Variants in GDF2 observed in about 807,000 individuals in gnomAD.
GDF2 encodes growth/differentiation factor 2.
Under a neutral mutation model 16.9 loss-of-function variants are expected in GDF2, and 17 were observed. The observed-to-expected ratio is 1.00, with a 90% confidence interval of 0.69 to 1.51. The LOEUF (loss-of-function observed/expected upper bound fraction) is 1.51, where lower values mean the gene tolerates loss of function less well. Among genes scored for constraint, GDF2 ranks in the 40% most tolerant of loss-of-function variants. The pLI is 0.00. For missense variants in GDF2, 523 were observed against 556.3 expected, an observed-to-expected ratio of 0.94 and a Z score of 0.60; for synonymous variants, 276 against 237.6, an observed-to-expected ratio of 1.16 and a Z score of -1.49.
At position 47,325,491 on chromosome 10, in the gene GDF2, C is replaced by T. The variant is rs35129734; in HGVS notation, c.997C>T (p.Arg333Trp). The change falls in exon 2 of 2, where the codon CGG becomes TGG. Residue 333 changes from arginine (R) to tryptophan (W), a missense_variant. Coordinates refer to ENST00000581492, the MANE Select transcript of GDF2 (RefSeq NM_016204.4). ...AGSHCQKTSLRVNFEDIGWDS... is the reference protein window; with the variant it reads ...AGSHCQKTSLWVNFEDIGWDS... ...CAGCCACTGTCAAAAGACCTCCCTGCGGGTAAACTTCGAGGACATCGGCTG... is the reference window on the plus strand; with the variant it reads ...CAGCCACTGTCAAAAGACCTCCCTGTGGGTAAACTTCGAGGACATCGGCTG... The T allele has an allele frequency of 2.1e-4, 342 of 1,614,030 alleles. No homozygotes were observed. In the African/African-American group the frequency reaches 3.7e-3, roughly 17 times the overall value.
intron 1 of GDF2, among the ~76,000 whole-genome samples, 176 bp downstream of exon 1, chr10:47,323,190 G>A (rs996788166): frequency 1.3e-5 from 2 of 152,272 alleles, no homozygotes; most frequent in East Asian, 1.9e-4. Context: ...TTTCAAATGC[G>A]TGGCTAATGG....
At position 47,325,253 on chromosome 10, in the gene GDF2, C is replaced by T. The variant is rs548639970; in HGVS notation, c.759C>T (p.Phe253=). The T allele has an allele frequency of 5.0e-6, 8 of 1,614,180 alleles. No individual in the cohort carries two copies. The East Asian group carries it at 8.9e-5, about 18-fold the overall frequency. Residue 253 remains phenylalanine (F), a synonymous_variant, in exon 2 of 2, where the codon TTC becomes TTT. Coordinates refer to ENST00000581492, the MANE Select transcript of GDF2 (RefSeq NM_016204.4). ...CCCCAGGTTCCAGAAACCTGCCCTT[C>T]TTTGTTGTCTTCTCCAATGACCACA... ...SVPPGSRNLP[F]FVVFSNDHSS...
rs782759590 is a variant in GDF2, at chr10:47,325,412, C to T, written c.918C>T (p.Gly306=). The change falls in exon 2 of 2, where the codon GGC becomes GGT. Residue 306 remains glycine (G), a synonymous_variant. Coordinates refer to ENST00000581492, the MANE Select transcript of GDF2 (RefSeq NM_016204.4). Reference sequence around the variant, plus strand: ...GCAGTCACGAGGAGGACACGGATGGCCACGTGGCTGCGGGGTCGACTTTAG... The same window carrying T: ...GCAGTCACGAGGAGGACACGGATGGTCACGTGGCTGCGGGGTCGACTTTAG... ...GESSHEEDTD[G]HVAAGSTLAR... is the part of the protein sequence containing the mutation. The T allele has an allele frequency of 1.2e-6, 2 of 1,613,952 alleles. No homozygotes were observed. The highest frequency in any genetic ancestry group is 1.7e-6 in the Non-Finnish European group (2 of 1,180,036).
chr10:47,323,508 T>A (rs2061092460), intron 1 of GDF2, among the ~76,000 whole-genome samples: 1 of 152,236 alleles, frequency 6.6e-6, no homozygotes, highest in Non-Finnish European at 1.5e-5. Context: ...TCAAAGCACA[T>A]CTATTCCTTT....
At chr10:47,324,802 C>A (rs782342335) in intron 1 of GDF2, 39 bp from the exon 2 acceptor site, 2 of 1,408,428 alleles carry the variant, frequency 1.4e-6, no homozygotes, top group Non-Finnish European at 2.0e-6. Flanking sequence ...TGGAAACAGA[C>A]CCTCCAGCAG....
rs782393389 is a variant in GDF2, at chr10:47,325,721, G to A, written c.1227G>A (p.Met409Ile). ...TCTCCGTCCTCTACAAGGATGACAT[G>A]GGGGTGCCCACCCTCAAGTACCATT... Reference protein sequence around the residue: ...SPISVLYKDDMGVPTLKYHYE... With the variant: ...SPISVLYKDDIGVPTLKYHYE... Residue 409 changes from methionine (M) to isoleucine (I), a missense_variant, in exon 2 of 2, where the codon ATG becomes ATA. By Grantham distance (10) the Met-to-Ile change is conservative (BLOSUM62 1). Coordinates refer to ENST00000581492, the MANE Select transcript of GDF2 (RefSeq NM_016204.4). 8.8e-6 allele frequency: 14 copies of A among 1,583,418 alleles called. No homozygotes were observed. The Middle Eastern group carries it at 6.8e-4, about 77-fold the overall frequency.
intron 1 of GDF2, among the ~76,000 whole-genome samples, chr10:47,323,402 C>T (rs115827563): frequency 1.3e-5 from 2 of 152,196 alleles, no homozygotes; most frequent in Non-Finnish European, 2.9e-5. Flanking sequence ...TGATTCACTT[C>T]TCTTCCTTTC....
chr10:47,323,031 C>A lies in GDF2; in HGVS notation c.346+17C>A. 3.8e-6 allele frequency: 6 copies of A among 1,559,420 alleles called. No individual in the cohort carries two copies. The highest frequency in any genetic ancestry group is 5.3e-6 in the Non-Finnish European group (6 of 1,141,718). On this transcript the variant is annotated intron_variant, in intron 1 of 1. Coordinates refer to ENST00000581492, the MANE Select transcript of GDF2 (RefSeq NM_016204.4). The stretch of plus-strand genomic sequence containing the variant: ...GCATGGAAGGTAGGGTCTCCGCTTG[C>A]ACCATGCGCGCTGGGGTGGGACTCA...
chr10:47,325,439 C>T lies in GDF2; in HGVS notation c.945C>T (p.Ala315=), dbSNP rs781993442. The change falls in exon 2 of 2, where the codon GCC becomes GCT. Residue 315 remains alanine, a synonymous_variant. Transcript: ENST00000581492. ...DGHVAAGSTL[A]RRKRSAGAGS... is the part of the protein sequence containing the mutation. ...ACGTGGCTGCGGGGTCGACTTTAGC[C>T]AGGCGGAAAAGGAGCGCCGGGGCTG... is the stretch of plus-strand genomic sequence containing the variant. 2 of 1,613,874 alleles carry T rather than the reference C, an allele frequency of 1.2e-6. No individual in the cohort carries two copies. The highest frequency in any genetic ancestry group is 1.7e-5 in the Admixed American group (1 of 60,026).
chr10:47,325,354 T>C lies in GDF2; in HGVS notation c.860T>C (p.Leu287Pro). Residue 287 changes from leucine to proline, a missense_variant, in exon 2 of 2, where the codon CTG becomes CCG. Coordinates refer to ENST00000581492, the MANE Select transcript of GDF2 (RefSeq NM_016204.4). ...SHEQESVLKK[L>P]SKDGSTEAGE... ...GAACAAGAGAGCGTGCTCAAGAAGC[T>C]GTCCAAGGACGGCTCCACAGAGGCA... is the stretch of plus-strand genomic sequence containing the variant. 1 of 1,614,132 alleles carries C rather than the reference T, an allele frequency of 6.2e-7. No individual in the cohort carries two copies. Among genetic ancestry groups the C allele is most frequent in the Non-Finnish European group, 8.5e-7 (1 of 1,180,030 alleles).
chr10:47,322,791 G>T lies in GDF2; in HGVS notation c.123G>T (p.Leu41=). ...GSAGGNAHSP[L]GVPGGGLPEH... ...CTGGGGGAAACGCCCACAGCCCACTGGGGGTGCCTGGAGGTGGGCTGCCTG... is the reference window on the plus strand; with the variant it reads ...CTGGGGGAAACGCCCACAGCCCACTTGGGGTGCCTGGAGGTGGGCTGCCTG... Residue 41 remains leucine, a synonymous_variant, in exon 1 of 2, where the codon CTG becomes CTT. Coordinates refer to ENST00000581492, the MANE Select transcript of GDF2 (RefSeq NM_016204.4). 6.2e-7 allele frequency: 1 copy of T among 1,613,664 alleles called. No homozygotes were observed. Among genetic ancestry groups the T allele is most frequent in the Non-Finnish European group, 8.5e-7 (1 of 1,179,804 alleles).
At position 47,325,470 on chromosome 10, in the gene GDF2, C is replaced by T; in HGVS notation, c.976C>T (p.His326Tyr). The change falls in exon 2 of 2, where the codon CAC (histidine) becomes TAC (tyrosine). Residue 326 changes from histidine to tyrosine, a missense_variant. His to Tyr is a moderately conservative substitution (Grantham distance 83, BLOSUM62 2). Transcript: ENST00000581492. ...GAAAAGGAGCGCCGGGGCTGGCAGCCACTGTCAAAAGACCTCCCTGCGGGT... is the reference window on the plus strand; with the variant it reads ...GAAAAGGAGCGCCGGGGCTGGCAGCTACTGTCAAAAGACCTCCCTGCGGGT... ...RRKRSAGAGS[H>Y]CQKTSLRVNF... is the part of the protein sequence containing the mutation. 6.2e-7 allele frequency: 1 copy of T among 1,613,954 alleles called. No individual in the cohort carries two copies. The highest frequency in any genetic ancestry group is 8.5e-7 in the Non-Finnish European group (1 of 1,180,052).
At position 47,327,002 on chromosome 10, in the gene GDF2, G is replaced by C. The variant is rs1555209196; in HGVS notation, c.*1218G>C. 6.6e-6 allele frequency among the ~76,000 whole-genome samples: 1 copy of C among 152,212 alleles called. No individual in the cohort carries two copies. Among genetic ancestry groups the C allele is most frequent in the Non-Finnish European group, 1.5e-5 (1 of 68,038 alleles). On this transcript the variant is annotated 3_prime_UTR_variant, in exon 2 of 2. Transcript: ENST00000581492. ...CCTGGGCGAGGCCTCTCCAGCCTCG[G>C]AAGAGCTGCAGTCCTTATCGGCTAT...
Position 47,326,065 on chromosome 10 carries a change from G to T in GDF2, c.*281G>T. ...GAGACAGGGGGAAAAATAATCCATA[G>T]TCAGCAGAAAACAACAGCAGTGAGC... is the stretch of plus-strand genomic sequence containing the variant. On this transcript the variant is annotated 3_prime_UTR_variant, in exon 2 of 2. Coordinates refer to ENST00000581492, the MANE Select transcript of GDF2 (RefSeq NM_016204.4). The T allele has an allele frequency of 2.9e-6, 1 of 349,174 alleles. No individual in the cohort carries two copies. The highest frequency in any genetic ancestry group is 8.5e-5 in the South Asian group (1 of 11,800). The allele number at this position is 349,174 out of a possible 1,614,324, so 21.6% of individuals were successfully genotyped here.
intron 1 of GDF2, among the ~76,000 whole-genome samples, chr10:47,324,618 A>G (rs912352575): frequency 9.2e-5 from 14 of 152,242 alleles, no homozygotes; most frequent in African/African-American, 3.1e-4. Context: ...CTCGATAAAC[A>G]GTAGGAACTC....
At chr10:47,324,795 A>T in intron 1 of GDF2, 46 bp from the exon 2 acceptor site, 1 of 1,379,404 alleles carries the variant, frequency 7.2e-7, no homozygotes, top group Non-Finnish European at 1.0e-6. Context: ...AGTGTCATGG[A>T]AACAGACCCT....
At position 47,324,983 on chromosome 10, in the gene GDF2, T is replaced by A; in HGVS notation, c.489T>A (p.Ser163=). Reference sequence around the variant, plus strand: ...CCTGTCAAAATCACGTGGACCCCTCTCATGACCTGAAAGGAAGCGTGGTCA... The same window carrying A: ...CCTGTCAAAATCACGTGGACCCCTCACATGACCTGAAAGGAAGCGTGGTCA... ...YVSCQNHVDP[S]HDLKGSVVIY... is the part of the protein sequence containing the mutation. Residue 163 remains serine (S), a synonymous_variant, in exon 2 of 2, where the codon TCT becomes TCA. Transcript: ENST00000581492. The A allele has an allele frequency of 6.2e-7, 1 of 1,614,156 alleles. No individual in the cohort carries two copies. The highest frequency in any genetic ancestry group is 8.5e-7 in the Non-Finnish European group (1 of 1,180,032).
At position 47,326,647 on chromosome 10, in the gene GDF2, T is replaced by G. The variant is rs566331338; in HGVS notation, c.*863T>G. ...GCTGCATGATACACTGTGGCTGGAG[T>G]TATTGTGACCCCCTGGTGCAGTGCT... On this transcript the variant is annotated 3_prime_UTR_variant, in exon 2 of 2. Transcript: ENST00000581492. 6.6e-6 allele frequency among the ~76,000 whole-genome samples: 1 copy of G among 152,046 alleles called. No individual in the cohort carries two copies. Among genetic ancestry groups the G allele is most frequent in the East Asian group, 1.9e-4 (1 of 5,152 alleles).
chr10:47,325,013 T>C lies in GDF2; in HGVS notation c.519T>C (p.Tyr173=). 6 of 1,614,152 alleles carry C rather than the reference T, an allele frequency of 3.7e-6. No individual in the cohort carries two copies. The highest frequency in any genetic ancestry group is 1.1e-5 in the South Asian group (1 of 91,076). ...SHDLKGSVVI[Y]DVLDGTDAWD... ...ACCTGAAAGGAAGCGTGGTCATTTA[T>C]GATGTTCTGGATGGAACAGATGCCT... Residue 173 remains tyrosine, a synonymous_variant, in exon 2 of 2, where the codon TAT becomes TAC. Coordinates refer to ENST00000581492, the MANE Select transcript of GDF2 (RefSeq NM_016204.4).
Sources: gnomAD v4.1 joint callset for allele counts (sites outside exome capture counted in the v4.1 genomes callset) on GRCh38, gnomAD v4.1.1 for gene constraint, MANE v1.5 for transcripts, NCBI Gene and HGNC (gene_info 2026-07-23, HGNC 2026-07-21) for gene names.